Variants in CPXM2 observed in about 807,000 individuals in gnomAD.
CPXM2 encodes the protein carboxypeptidase X, M14 family member 2.
A neutral mutation model predicts 86.1 loss-of-function variants in CPXM2; 66 were observed. That is an observed-to-expected ratio of 0.77 (90% CI 0.63 to 0.94). The LOEUF (loss-of-function observed/expected upper bound fraction) is 0.94. Among genes scored for constraint, CPXM2 ranks in the 40% least tolerant of loss-of-function variants. The probability of loss-of-function intolerance (pLI) is 0.00; values close to 1 mark genes in which losing one functional copy is unlikely to be tolerated. For missense variants in CPXM2, 948 were observed against 1,026.3 expected (o/e 0.92, Z 1.04); for synonymous variants, 388 against 400.2 (o/e 0.97, Z 0.36).
chr10:123,870,525 CT>C, intron 2 of CPXM2, among the ~76,000 whole-genome samples: 1 of 152,218 alleles, frequency 6.6e-6, no homozygotes, highest in Non-Finnish European at 1.5e-5. Flanking sequence ...TTGACATTCC[CT>C]TTGATCAGTG....
rs944011764 is a variant in CPXM2, at chr10:123,885,807, A to C, written c.305-5498T>G. On this transcript the variant is annotated intron_variant, in intron 1 of 13. Coordinates refer to ENST00000241305, the MANE Select transcript of CPXM2 (RefSeq NM_198148.3). The surrounding 1 kb of genome is among the most constrained non-coding windows in gnomAD (Gnocchi z 4.0). ...GAGAAAACCTCCACCTCAAAAGTCA[A>C]GGCTCCAGGGCCAGGCTGCCATTGT... Among the ~76,000 whole-genome samples, 2 of 152,182 alleles carry C rather than the reference A, an allele frequency of 1.3e-5. No homozygotes were observed. Among genetic ancestry groups the C allele is most frequent in the African/African-American group, 4.8e-5 (2 of 41,454 alleles).
intron 2 of CPXM2, among the ~76,000 whole-genome samples, chr10:123,932,290 C>T (rs943301701): frequency 6.6e-6 from 1 of 152,174 alleles, no homozygotes; most frequent in South Asian, 2.1e-4. Flanking sequence ...TCAGCCTCAC[C>T]TCTCATGCCA....
At chr10:123,868,534 G>C (rs963474237) in intron 2 of CPXM2, among the ~76,000 whole-genome samples, 3 of 152,182 alleles carry the variant, frequency 2.0e-5, no homozygotes, top group Non-Finnish European at 4.4e-5. Flanking sequence ...GTGATCATCA[G>C]AGTACACAAG....
At chr10:123,904,809 C>G (rs552037665) in intron 2 of CPXM2, among the ~76,000 whole-genome samples, 12 of 139,804 alleles carry the variant, frequency 8.6e-5, no homozygotes. Context: ...TGCCAGCACC[C>G]ATCTACCACT....
chr10:123,753,430 A>AT (rs1846125444), intron 13 of CPXM2, among the ~76,000 whole-genome samples: 1 of 152,184 alleles, frequency 6.6e-6, no homozygotes, highest in Admixed American at 6.5e-5. Flanking sequence ...CCTGCAGGGC[A>AT]TCTTCCAGCC....
chr10:123,909,951 G>C (rs1945474621), intron 2 of CPXM2, among the ~76,000 whole-genome samples: 1 of 152,196 alleles, frequency 6.6e-6, no homozygotes, highest in Non-Finnish European at 1.5e-5. Flanking sequence ...CCTCGAGAGA[G>C]GTGGCCCAGC....
At chr10:123,777,870 G>A in intron 7 of CPXM2, 1 of 152,212 alleles carries the variant, frequency 6.6e-6, no homozygotes, top group Non-Finnish European at 1.5e-5. Flanking sequence ...ATGATAAAAT[G>A]ACAGGGTCTC....
intron 4 of CPXM2, among the ~76,000 whole-genome samples, chr10:123,828,687 G>A (rs748030020): frequency 1.3e-5 from 2 of 152,080 alleles, no homozygotes; most frequent in Non-Finnish European, 2.9e-5. Flanking sequence ...CACAAACCTT[G>A]ACCTAAATCT....
At chr10:123,852,373 A>C (rs1286719436) in intron 3 of CPXM2, among the ~76,000 whole-genome samples, 1 of 152,066 alleles carries the variant, frequency 6.6e-6, no homozygotes, top group Non-Finnish European at 1.5e-5. Flanking sequence ...GCATCAGAAA[A>C]TCCTACTTTC....
chr10:123,756,418 G>A (rs747612953), intron 12 of CPXM2, among the ~76,000 whole-genome samples: 2 of 152,152 alleles, frequency 1.3e-5, no homozygotes, highest in Non-Finnish European at 2.9e-5. Context: ...GCAGGGAGGT[G>A]TCCAAGGTTC....
At chr10:123,844,420 A>G (rs1477332105) in intron 3 of CPXM2, among the ~76,000 whole-genome samples, 1 of 152,244 alleles carries the variant, frequency 6.6e-6, no homozygotes. Flanking sequence ...AATTTTATAA[A>G]GGAAATTAAA....
intron 4 of CPXM2, among the ~76,000 whole-genome samples, chr10:123,804,788 A>G (rs1847543647): frequency 6.6e-6 from 1 of 152,124 alleles, no homozygotes; most frequent in Non-Finnish European, 1.5e-5. Context: ...AGGTTTCTAT[A>G]TTTCACCACT....
At chr10:123,910,373 CG>C (rs891135124) in intron 2 of CPXM2, among the ~76,000 whole-genome samples, 11 of 152,118 alleles carry the variant, frequency 7.2e-5, no homozygotes, top group African/African-American at 2.4e-4. Context: ...GACCTCCACC[CG>C]GACAGAACCC....
chr10:123,764,618 T>C (rs930542471), intron 10 of CPXM2, among the ~76,000 whole-genome samples: 3 of 152,144 alleles, frequency 2.0e-5, no homozygotes, highest in Admixed American at 6.5e-5. Flanking sequence ...TCCCAAGTAG[T>C]TGGGACCACA....
chr10:123,899,186 A>G (rs1003170277), intron 2 of CPXM2, among the ~76,000 whole-genome samples: 1 of 152,286 alleles, frequency 6.6e-6, no homozygotes, highest in Non-Finnish European at 1.5e-5. Flanking sequence ...TTCGTTATAT[A>G]GACACTAAAA....
rs1197946817 is a variant in CPXM2 at position 123,885,186 on chromosome 10, G to A, written c.305-4877C>T. Among the ~76,000 whole-genome samples, 3 of 152,122 alleles carry A rather than the reference G, an allele frequency of 2.0e-5. No individual in the cohort carries two copies. The highest frequency in any genetic ancestry group is 3.9e-4 in the East Asian group (2 of 5,190). On this transcript the variant is annotated intron_variant, in intron 1 of 13. Coordinates refer to ENST00000241305, the MANE Select transcript of CPXM2 (RefSeq NM_198148.3). This position sits in a 1 kb window ranked among gnomAD's most constrained non-coding sequence, Gnocchi z 4.0. ...GCTGTGTTGTCTGGCAGGACTCAAC[G>A]GGGACTCAACCTGGCTGGGGACTCA...
Position 123,768,639 on chromosome 10 carries a change from C to G in CPXM2, c.1186G>C (p.Val396Leu). The G allele has an allele frequency of 1.9e-6, 3 of 1,613,740 alleles. No individual in the cohort carries two copies. The highest frequency in any genetic ancestry group is 2.5e-6 in the Non-Finnish European group (3 of 1,179,890). Residue 396 changes from valine (V) to leucine (L), a missense_variant, in exon 9 of 14, where the codon GTG becomes CTG. By Grantham distance (32) the Val-to-Leu change is conservative (BLOSUM62 1). Coordinates refer to ENST00000241305, the MANE Select transcript of CPXM2 (RefSeq NM_198148.3). ...TTCCGGGCCAAGTACTCCTGACACA[C>G]GAACTGCACCAGCAGCAGCAGCAGC... is the stretch of plus-strand genomic sequence containing the variant. ...RELLLLLVQF[V>L]CQEYLARNAR... is the part of the protein sequence containing the mutation.
intron 10 of CPXM2, among the ~76,000 whole-genome samples, chr10:123,765,819 G>A (rs1008035043): frequency 6.6e-6 from 1 of 152,236 alleles, no homozygotes; most frequent in African/African-American, 2.4e-5. Context: ...CCTCCAGTAC[G>A]TGGCACCCAC....
At chr10:123,842,558 T>A in intron 3 of CPXM2, 70 bp from the exon 4 acceptor site, 2 of 1,501,222 alleles carry the variant, frequency 1.3e-6, no homozygotes, top group Non-Finnish European at 1.8e-6. Flanking sequence ...TATCTTTTCC[T>A]GAGGCTGAGA....
Sources: allele counts gnomAD v4.1 joint callset (sites outside exome capture counted in the v4.1 genomes callset), GRCh38; gene constraint gnomAD v4.1.1; non-coding constraint Gnocchi (gnomAD v3.1); transcripts MANE v1.5; gene names NCBI Gene and HGNC (gene_info 2026-07-23, HGNC 2026-07-21).